STON2: variants seen among roughly 807,000 people sequenced by gnomAD.
The protein encoded by STON2 is stonin 2.
Under a neutral mutation model 65.7 loss-of-function variants are expected in STON2, and 29 were observed. The observed-to-expected ratio is 0.44, with a 90% confidence interval of 0.33 to 0.60. The LOEUF is 0.60. STON2 is among the 20% of genes least tolerant of loss of function. The probability of loss-of-function intolerance (pLI) is 0.03; values close to 1 mark genes in which losing one functional copy is unlikely to be tolerated. For missense variants in STON2, 1,054 were observed against 1,118.1 expected (o/e 0.94, Z 0.82); for synonymous variants, 404 against 414.2 (o/e 0.98, Z 0.30).
In STON2 at chr14:81,264,833, G is replaced by A. The variant is rs888213443; in HGVS notation, c.*3581C>T. 29 of 985,210 alleles carry A rather than the reference G, an allele frequency of 2.9e-5. No homozygotes were observed. Among genetic ancestry groups the A allele is most frequent in the Non-Finnish European group, 3.4e-5 (28 of 829,916 alleles). 61.0% of individuals were successfully genotyped at this position (985,210 alleles called of 1,614,324 possible). ...ACTAGTACTATGTCTGCAAGAGCAGGCAAGGGGGATCATCTAATGGTCTCC... is the reference window on the plus strand; with the variant it reads ...ACTAGTACTATGTCTGCAAGAGCAGACAAGGGGGATCATCTAATGGTCTCC... On this transcript the variant is annotated 3_prime_UTR_variant, in exon 8 of 8. Coordinates refer to ENST00000614646, the MANE Select transcript of STON2 (RefSeq NM_001394390.1).
At chr14:81,352,539 G>T (rs1211066250) in intron 4 of STON2, among the ~76,000 whole-genome samples, 1 of 152,108 alleles carries the variant, frequency 6.6e-6, no homozygotes, top group Non-Finnish European at 1.5e-5. Flanking sequence ...TCCCCTACAG[G>T]ATTGGGAACA....
chr14:81,382,247 C>T (rs1227617251), intron 3 of STON2, among the ~76,000 whole-genome samples: 1 of 140,500 alleles, frequency 7.1e-6, no homozygotes, highest in Non-Finnish European at 1.5e-5. Flanking sequence ...AGAAAAGAAA[C>T]AATCCAAATG....
Position 81,396,061 on chromosome 14 carries a change from T to C in STON2, c.206A>G (p.Asp69Gly). 2 of 1,614,138 alleles carry C rather than the reference T, an allele frequency of 1.2e-6. No individual in the cohort carries two copies. The highest frequency in any genetic ancestry group is 1.7e-6 in the Non-Finnish European group (2 of 1,180,018). The change falls in exon 3 of 8, where the codon GAT becomes GGT. Residue 69 changes from aspartate (D) to glycine (G), a missense_variant. Asp to Gly is a moderately conservative substitution (Grantham distance 94). Coordinates refer to ENST00000614646, the MANE Select transcript of STON2 (RefSeq NM_001394390.1). ...GAGGCCCATCTTTTCAGAGGAGTCA[T>C]CCTGCTCCGAGTGGGAATGGTCTTG... ...GSQDHSHSEQDDSSEKMGLIS... is the reference protein window; with the variant it reads ...GSQDHSHSEQGDSSEKMGLIS...
chr14:81,264,293 A>G lies in STON2; in HGVS notation c.*4121T>C. 1.0e-6 allele frequency: 1 copy of G among 985,492 alleles called. No homozygotes were observed. Among genetic ancestry groups the G allele is most frequent in the Non-Finnish European group, 1.2e-6 (1 of 829,948 alleles). 61.0% of individuals were successfully genotyped at this position (985,492 alleles called of 1,614,324 possible). A position where few individuals can be genotyped will look rare whatever the true frequency, so the allele number is the denominator to read the frequency against. ...TGACTCTGGAGGCAGGAGTAAAAGG[A>G]AAGCAAAATTATTTAAGTCCTTCAG... On this transcript the variant is annotated 3_prime_UTR_variant, in exon 8 of 8. Coordinates refer to ENST00000614646, the MANE Select transcript of STON2 (RefSeq NM_001394390.1).
At chr14:81,369,830 T>G (rs994620384) in intron 4 of STON2, among the ~76,000 whole-genome samples, 1 of 152,172 alleles carries the variant, frequency 6.6e-6, no homozygotes, top group Non-Finnish European at 1.5e-5. Flanking sequence ...TCAGCCTCTC[T>G]TCCTAACAGC....
At chr14:81,317,567 T>C (rs1226002379) in intron 5 of STON2, among the ~76,000 whole-genome samples, 1 of 152,216 alleles carries the variant, frequency 6.6e-6, no homozygotes, top group Non-Finnish European at 1.5e-5. Context: ...GAGAGAGGCT[T>C]AGGCACAAGC....
intron 2 of STON2, among the ~76,000 whole-genome samples, chr14:81,418,792 T>C (rs1159555807): frequency 1.3e-5 from 2 of 152,240 alleles, no homozygotes; most frequent in Non-Finnish European, 2.9e-5. Context: ...ATAAAGTTAT[T>C]TGCAAAGACC....
intron 3 of STON2, among the ~76,000 whole-genome samples, chr14:81,393,831 G>A (rs1334125941): frequency 6.6e-6 from 1 of 152,150 alleles, no homozygotes; most frequent in Non-Finnish European, 1.5e-5. Flanking sequence ...AGGGAAGCCT[G>A]TCTGGACCTG....
chr14:81,399,069 G>A (rs118101841), intron 1 of STON2, among the ~76,000 whole-genome samples: 181 of 152,300 alleles, frequency 1.2e-3, no homozygotes, highest in African/African-American at 4.1e-3. Context: ...TCCAAGCATG[G>A]TTTATCAATC....
chr14:81,268,400 G>C lies in STON2; in HGVS notation c.*14C>G, dbSNP rs1370550870. 1 of 1,289,338 alleles carries C rather than the reference G, an allele frequency of 7.8e-7. No homozygotes were observed. The highest frequency in any genetic ancestry group is 5.5e-5 in the East Asian group (1 of 18,020). The allele number at this position is 1,289,338 out of a possible 1,614,324, so 79.9% of individuals were successfully genotyped here. On this transcript the variant is annotated 3_prime_UTR_variant, in exon 8 of 8. Coordinates refer to ENST00000614646, the MANE Select transcript of STON2 (RefSeq NM_001394390.1). Reference sequence around the variant, plus strand: ...CATGACTCTGGGATCAGGATTCCTTGCCGCAAGGCTTTGTCACTGCACTCC... The same window carrying C: ...CATGACTCTGGGATCAGGATTCCTTCCCGCAAGGCTTTGTCACTGCACTCC...
chr14:81,383,821 C>T (rs1414008728), intron 3 of STON2, among the ~76,000 whole-genome samples: 1 of 152,170 alleles, frequency 6.6e-6, no homozygotes, highest in Non-Finnish European at 1.5e-5. Context: ...GAAACTCAAG[C>T]TGGATCAGGC....
intron 1 of STON2, among the ~76,000 whole-genome samples, chr14:81,429,022 C>T (rs938241061): frequency 1.3e-5 from 2 of 152,182 alleles, no homozygotes; most frequent in Non-Finnish European, 2.9e-5. Context: ...ACACACAGCA[C>T]TAAAATGGTA....
In STON2 at chr14:81,262,392, A is replaced by G. The variant is rs185761919; in HGVS notation, c.*6022T>C. 6 of 985,222 alleles carry G rather than the reference A, an allele frequency of 6.1e-6. No individual in the cohort carries two copies. In the Admixed American group the frequency reaches 1.8e-4, roughly 30 times the overall value. 61.0% of individuals were successfully genotyped at this position (985,222 alleles called of 1,614,324 possible). A position where few individuals can be genotyped will look rare whatever the true frequency, so the allele number is the denominator to read the frequency against. ...CCTGACCAGAGTAGACATTTGATAA[A>G]TATTTGTTGAGTTGAATTAATCCTG... is the stretch of plus-strand genomic sequence containing the variant. On this transcript the variant is annotated 3_prime_UTR_variant, in exon 8 of 8. Coordinates refer to ENST00000614646, the MANE Select transcript of STON2 (RefSeq NM_001394390.1).
In STON2 at chr14:81,267,233, A is replaced by G; in HGVS notation, c.*1181T>C. The G allele has an allele frequency of 1.0e-6, 1 of 985,382 alleles. No individual in the cohort carries two copies. The highest frequency in any genetic ancestry group is 1.2e-6 in the Non-Finnish European group (1 of 829,904). 61.0% of individuals were successfully genotyped at this position (985,382 alleles called of 1,614,324 possible). ...CCAGAAACAGATGAAGAAAAAGAAG[A>G]TGGAGTGAGCGTTCTGACTCTTGGA... On this transcript the variant is annotated 3_prime_UTR_variant, in exon 8 of 8. Transcript: ENST00000614646.
At chr14:81,362,321 G>T (rs10147676) in intron 4 of STON2, among the ~76,000 whole-genome samples, 88,716 of 152,018 alleles carry the variant, frequency 0.58, 28,391 homozygotes, top group African/African-American at 0.85. Flanking sequence ...AAAAATATTT[G>T]GTAATTTGCA....
At chr14:81,429,419 T>C (rs1007665321) in intron 1 of STON2, among the ~76,000 whole-genome samples, 3 of 152,236 alleles carry the variant, frequency 2.0e-5, no homozygotes, top group Non-Finnish European at 4.4e-5. Flanking sequence ...TTAGATTTTA[T>C]TTATATAGAC....
At position 81,262,076 on chromosome 14, in the gene STON2, A is replaced by G; in HGVS notation, c.*6338T>C. 3 of 1,306,874 alleles carry G rather than the reference A, an allele frequency of 2.3e-6. No individual in the cohort carries two copies. Among genetic ancestry groups the G allele is most frequent in the Non-Finnish European group, 2.9e-6 (3 of 1,030,868 alleles). 81.0% of individuals were successfully genotyped at this position (1,306,874 alleles called of 1,614,324 possible). On this transcript the variant is annotated 3_prime_UTR_variant, in exon 8 of 8. Transcript: ENST00000614646. ...AGTCACTGAAAGGTGGCACCAATGG[A>G]TATTTTGTAAAATAACCCACAACTT...
At chr14:81,395,787 A>G in intron 3 of STON2, 107 bp downstream of exon 3, 1 of 1,140,762 alleles carries the variant, frequency 8.8e-7, no homozygotes, top group Non-Finnish European at 1.3e-6. Context: ...CCAGTGCTTC[A>G]GGGTTAGGGG....
At chr14:81,365,188 G>A (rs568437355) in intron 4 of STON2, among the ~76,000 whole-genome samples, 2 of 152,216 alleles carry the variant, frequency 1.3e-5, no homozygotes, top group Non-Finnish European at 2.9e-5. Flanking sequence ...TCCCGCCACT[G>A]GACTCTCTTC....
Sources: gnomAD v4.1 joint callset for allele counts (sites outside exome capture counted in the v4.1 genomes callset) on GRCh38, gnomAD v4.1.1 for gene constraint, MANE v1.5 for transcripts, NCBI Gene and HGNC (gene_info 2026-07-23, HGNC 2026-07-21) for gene names.